Variants in ASCC3 observed in about 807,000 individuals in gnomAD.
ASCC3 encodes the protein ASC-1 complex subunit P200.
In ASCC3, 158 loss-of-function variants were observed where a neutral mutation model predicts 256.3. The ratio of observed to expected loss-of-function variants is 0.62; its 90% confidence interval spans 0.54 to 0.70. The LOEUF is 0.70. ASCC3 is among the 30% of genes least tolerant of loss of function. The pLI is 0.00. For missense variants in ASCC3, 2,259 were observed against 2,626.0 expected (o/e 0.86, Z 3.05); for synonymous variants, 948 against 883.4 (o/e 1.07, Z -1.30).
At chr6:100,610,029 G>A (rs771145364) in intron 30 of ASCC3, among the ~76,000 whole-genome samples, 16 of 152,190 alleles carry the variant, frequency 1.1e-4, no homozygotes, top group Non-Finnish European at 2.2e-4. Context: ...ACTCCATGAG[G>A]AGAATAATGT....
At chr6:100,713,424 CA>C (rs1410094923) in intron 13 of ASCC3, among the ~76,000 whole-genome samples, 1 of 152,074 alleles carries the variant, frequency 6.6e-6, no homozygotes, top group Non-Finnish European at 1.5e-5. Context: ...GACAGAAAAA[CA>C]GGCTTAACAT....
In ASCC3 at chr6:100,655,878, A is replaced by C. The variant is rs1775891666; in HGVS notation, c.2704-60T>G. ...TAAAGTTGAACATAAACATTACATCAAAGTCCATTCTGTCAGAGGTGAAGT... is the reference window on the plus strand; with the variant it reads ...TAAAGTTGAACATAAACATTACATCCAAGTCCATTCTGTCAGAGGTGAAGT... On this transcript the variant is annotated intron_variant, in intron 16 of 41. Transcript: ENST00000369162. The C allele has an allele frequency of 7.0e-6, 11 of 1,580,094 alleles. No homozygotes were observed. The South Asian group carries it at 1.2e-4, about 17-fold the overall frequency.
chr6:100,861,260 G>C (rs1773211434), intron 3 of ASCC3, among the ~76,000 whole-genome samples: 1 of 151,970 alleles, frequency 6.6e-6, no homozygotes, highest in Non-Finnish European at 1.5e-5. Context: ...TAACTTTAAT[G>C]GGCCCTGTTT....
intron 36 of ASCC3, among the ~76,000 whole-genome samples, chr6:100,550,537 T>A (rs1455875948): frequency 6.6e-6 from 1 of 152,000 alleles, no homozygotes; most frequent in Non-Finnish European, 1.5e-5. Flanking sequence ...GAAACAATGA[T>A]CTGCTCCAAT....
At chr6:100,661,674 T>G in intron 16 of ASCC3, 132 bp downstream of exon 16, 1 of 861,366 alleles carries the variant, frequency 1.2e-6, no homozygotes, top group Middle Eastern at 3.0e-4. Flanking sequence ...TCACCCTGTT[T>G]TGTCTTATAA....
intron 3 of ASCC3, among the ~76,000 whole-genome samples, chr6:100,855,574 G>A (rs902418987): frequency 6.6e-6 from 1 of 152,134 alleles, no homozygotes; most frequent in Non-Finnish European, 1.5e-5. Context: ...TAACACCTCT[G>A]TCTTTGAAAC....
At position 100,556,968 on chromosome 6, in the gene ASCC3, G is replaced by A. The variant is rs569260724; in HGVS notation, c.5551-16581C>T. Among the ~76,000 whole-genome samples, 15 of 152,224 alleles carry A rather than the reference G, an allele frequency of 9.9e-5. No homozygotes were observed. The South Asian group carries it at 3.1e-3, about 32-fold the overall frequency. On this transcript the variant is annotated intron_variant, in intron 36 of 41. Coordinates refer to ENST00000369162, the MANE Select transcript of ASCC3 (RefSeq NM_006828.4). ...TTACCCCCAAAAATTCATCTTGGAA[G>A]TATTAAAGACTGTGAATGCAGCTCA...
chr6:100,858,223 T>A (rs1247611593), intron 3 of ASCC3: 1 of 492,154 alleles, frequency 2.0e-6, no homozygotes, highest in Non-Finnish European at 2.6e-6. Flanking sequence ...GAAATAAAAT[T>A]GATTTTTATA....
intron 36 of ASCC3, among the ~76,000 whole-genome samples, chr6:100,568,443 A>C (rs927017640): frequency 6.7e-5 from 10 of 148,896 alleles, no homozygotes; most frequent in African/African-American, 2.5e-4. Context: ...TTCTCTGATG[A>C]TTAGCGATGT....
intron 17 of ASCC3, among the ~76,000 whole-genome samples, chr6:100,653,432 G>A (rs1775767358): frequency 6.6e-6 from 1 of 152,046 alleles, no homozygotes; most frequent in Non-Finnish European, 1.5e-5. Context: ...GAGGTCAGAA[G>A]TTTCAGAGCA....
chr6:100,864,050 A>T lies in ASCC3; in HGVS notation c.241+14T>A. ...TTCTCTTTAAAAAAAAAAAAGAAAA[A>T]AAGAAAACTATACCTATCTGCTTTG... is the stretch of plus-strand genomic sequence containing the variant. On this transcript the variant is annotated intron_variant, in intron 3 of 41. Transcript: ENST00000369162. The T allele has an allele frequency of 6.6e-7, 1 of 1,526,448 alleles. No individual in the cohort carries two copies. The highest frequency in any genetic ancestry group is 8.8e-7 in the Non-Finnish European group (1 of 1,133,794). The allele number at this position is 1,526,448 out of a possible 1,614,324, so 94.6% of individuals were successfully genotyped here.
chr6:100,719,232 T>C (rs1779214580), intron 11 of ASCC3, among the ~76,000 whole-genome samples: 1 of 152,104 alleles, frequency 6.6e-6, no homozygotes, highest in South Asian at 2.1e-4. Flanking sequence ...TTATTATAAA[T>C]TTGTTTTCAC....
chr6:100,848,770 C>CA, intron 3 of ASCC3, 63 bp from the exon 4 acceptor site: 2 of 1,490,750 alleles, frequency 1.3e-6, no homozygotes, highest in East Asian at 4.6e-5. Flanking sequence ...TACGATCTTC[C>CA]AAAAAATTAC....
intron 26 of ASCC3, among the ~76,000 whole-genome samples, chr6:100,629,587 T>C (rs913888904): frequency 4.6e-5 from 7 of 152,174 alleles, no homozygotes; most frequent in African/African-American, 1.4e-4. Context: ...AGGCATTCAT[T>C]AAGAATATTT....
chr6:100,605,243 C>T (rs2114803345), intron 33 of ASCC3, among the ~76,000 whole-genome samples: 1 of 152,202 alleles, frequency 6.6e-6, no homozygotes, highest in East Asian at 1.9e-4. Context: ...CTCCATTTTA[C>T]AATAGGTGCA....
At chr6:100,607,618 A>G (rs1023577912) in intron 30 of ASCC3, among the ~76,000 whole-genome samples, 3 of 152,054 alleles carry the variant, frequency 2.0e-5, no homozygotes, top group African/African-American at 4.8e-5. Flanking sequence ...ATTTGAAATA[A>G]TAACAGTAAT....
intron 36 of ASCC3, among the ~76,000 whole-genome samples, chr6:100,579,834 T>G (rs547932967): frequency 2.0e-5 from 3 of 152,150 alleles, no homozygotes; most frequent in Non-Finnish European, 2.9e-5. Flanking sequence ...CCATATAAAG[T>G]TTGAATAGTC....
chr6:100,772,842 T>C (rs182655379), intron 8 of ASCC3, among the ~76,000 whole-genome samples: 23 of 152,340 alleles, frequency 1.5e-4, no homozygotes, highest in Admixed American at 1.4e-3. Flanking sequence ...AAGGTAATAC[T>C]GCAAGTATGA....
chr6:100,696,242 AAAAC>A (rs373723259), intron 13 of ASCC3, among the ~76,000 whole-genome samples: 5 of 152,286 alleles, frequency 3.3e-5, no homozygotes, highest in Admixed American at 1.3e-4. Flanking sequence ...TGCTACTATG[AAAAC>A]AAACAAAAAA....
Sources: gnomAD v4.1 joint callset for allele counts (sites outside exome capture counted in the v4.1 genomes callset) on GRCh38, gnomAD v4.1.1 for gene constraint, MANE v1.5 for transcripts, NCBI Gene and HGNC (gene_info 2026-07-23, HGNC 2026-07-21) for gene names.